EVI5: variants seen among roughly 807,000 people sequenced by gnomAD.
EVI5 encodes ecotropic viral integration site 5 protein homolog.
EVI5 carries 73 observed loss-of-function variants against 112.0 expected under a neutral mutation model. The ratio of observed to expected loss-of-function variants is 0.65; its 90% CI spans 0.54 to 0.79. The LOEUF (loss-of-function observed/expected upper bound fraction) is 0.79. EVI5 is among the 30% of genes least tolerant of loss of function. EVI5 has a pLI of 0.00. For missense variants in EVI5, 900 were observed against 968.8 expected, an observed-to-expected ratio of 0.93 and a Z score of 0.94; for synonymous variants, 305 against 319.9, an observed-to-expected ratio of 0.95 and a Z score of 0.50.
upstream of EVI5, among the ~76,000 whole-genome samples, chr1:92,788,229 G>C (rs1570984955): frequency 6.6e-6 from 1 of 152,228 alleles, no homozygotes; most frequent in East Asian, 1.9e-4. Flanking sequence ...TAGCACTTTG[G>C]GAGGCCAAGG....
At chr1:92,605,791 T>C (rs988549703) in intron 17 of EVI5, among the ~76,000 whole-genome samples, 2 of 152,180 alleles carry the variant, frequency 1.3e-5, no homozygotes, top group African/African-American at 4.8e-5. Context: ...ATTAATATTA[T>C]AAACAATATC....
chr1:92,744,640 A>G (rs1678999522), intron 1 of EVI5, among the ~76,000 whole-genome samples: 1 of 147,290 alleles, frequency 6.8e-6, no homozygotes, highest in Non-Finnish European at 1.5e-5. Flanking sequence ...ACACACACAC[A>G]CACACAGAGG....
At chr1:92,518,623 G>GA (rs1264053962) in intron 19 of EVI5, among the ~76,000 whole-genome samples, 1 of 147,248 alleles carries the variant, frequency 6.8e-6, no homozygotes, top group African/African-American at 2.5e-5. Flanking sequence ...GAGAAGCCGG[G>GA]AAAAAACTCA....
chr1:92,674,893 T>C (rs1666465274), intron 10 of EVI5, among the ~76,000 whole-genome samples: 1 of 152,202 alleles, frequency 6.6e-6, no homozygotes, highest in South Asian at 2.1e-4. Context: ...CAGCACTTTA[T>C]TTACCTGATA....
intron 2 of EVI5, among the ~76,000 whole-genome samples, chr1:92,707,380 G>C (rs764966429): frequency 2.2e-4 from 33 of 149,008 alleles, no homozygotes; most frequent in Admixed American, 1.7e-3. Context: ...CAGAGAGTAA[G>C]AAGAAAAAAA....
chr1:92,784,540 C>A (rs1447138602), intron 1 of EVI5: 3 of 491,036 alleles, frequency 6.1e-6, no homozygotes, highest in African/African-American at 9.0e-5. Context: ...AGGACGTGCC[C>A]CCGAAGCTGC....
At chr1:92,522,431 C>T (rs896075594) in intron 19 of EVI5, among the ~76,000 whole-genome samples, 6 of 151,830 alleles carry the variant, frequency 4.0e-5, no homozygotes, top group Non-Finnish European at 7.4e-5. Flanking sequence ...AGGTCAGGAG[C>T]TTGAGACCAG....
rs199913873 is a variant in EVI5, at chr1:92,513,684, C to T, written c.2453G>A (p.Arg818Lys). ...QVVQKERPPRRRESYSTTV is the reference protein window; with the variant it reads ...QVVQKERPPRKRESYSTTV ...GACAGTGGTTGAATACGACTCTCTT[C>T]TTCTCGGGGGCCGCTCCTTTTGAAC... Residue 818 changes from arginine to lysine, a missense_variant, in exon 20 of 20, where the codon AGA (arginine) becomes AAA (lysine). By Grantham distance (26) the Arg-to-Lys change is conservative (BLOSUM62 2). Coordinates refer to ENST00000684568, the MANE Select transcript of EVI5 (RefSeq NM_001350197.2). 1.9e-6 allele frequency: 3 copies of T among 1,610,606 alleles called. No individual in the cohort carries two copies. The highest frequency in any genetic ancestry group is 2.5e-6 in the Non-Finnish European group (3 of 1,178,278).
chr1:92,637,513 T>A (rs576950810), intron 13 of EVI5, among the ~76,000 whole-genome samples: 2 of 152,184 alleles, frequency 1.3e-5, no homozygotes, highest in African/African-American at 2.4e-5. Flanking sequence ...AACATGAATA[T>A]TGATGCAAAC....
intron 1 of EVI5, among the ~76,000 whole-genome samples, chr1:92,748,215 G>A (rs552544556): frequency 6.6e-6 from 1 of 152,254 alleles, no homozygotes; most frequent in South Asian, 2.1e-4. Flanking sequence ...TTATTACTGA[G>A]CTTAACTCTT....
chr1:92,766,382 T>C (rs1682648132), intron 1 of EVI5, among the ~76,000 whole-genome samples: 1 of 152,048 alleles, frequency 6.6e-6, no homozygotes, highest in African/African-American at 2.4e-5. Flanking sequence ...TGTTTCCTTA[T>C]GTTTCATGCT....
intron 13 of EVI5, chr1:92,647,583 C>A: frequency 1.9e-6 from 1 of 536,916 alleles, no homozygotes. Flanking sequence ...TGCATGTCTG[C>A]ACAAAGAAGG....
At chr1:92,785,338 AT>A (rs1274574799), upstream of EVI5, among the ~76,000 whole-genome samples, 1 of 152,164 alleles carries the variant, frequency 6.6e-6, no homozygotes, top group African/African-American at 2.4e-5. Context: ...CGCCCCTTCC[AT>A]GTTAAAACGG....
rs1659465359 is a variant in EVI5, at chr1:92,639,209, G to T, written c.1393-2873C>A. Among the ~76,000 whole-genome samples the T allele has an allele frequency of 2.0e-5, 3 of 152,122 alleles. No individual in the cohort carries two copies. The South Asian group carries it at 6.2e-4, about 32-fold the overall frequency. The stretch of plus-strand genomic sequence containing the variant: ...TGACAGAAATTCTTTTTAGTAAGCA[G>T]AGTCTGCTTTTCAATCCTATGTGCT... On this transcript the variant is annotated intron_variant, in intron 13 of 19. Transcript: ENST00000684568.
intron 19 of EVI5, among the ~76,000 whole-genome samples, chr1:92,530,555 C>A (rs1322531439): frequency 6.6e-6 from 1 of 152,074 alleles, no homozygotes. Flanking sequence ...TAGCATCTGG[C>A]AGGTGCCCCT....
chr1:92,529,865 TTTTCATAAATAC>T (rs1488256201), intron 19 of EVI5, among the ~76,000 whole-genome samples: 1 of 152,234 alleles, frequency 6.6e-6, no homozygotes, highest in Non-Finnish European at 1.5e-5. Flanking sequence ...AATGGGCATA[TTTTCATAAATAC>T]TTTCATAAAA....
At chr1:92,574,630 C>G (rs1211584633) in intron 18 of EVI5, among the ~76,000 whole-genome samples, 1 of 152,088 alleles carries the variant, frequency 6.6e-6, no homozygotes, top group African/African-American at 2.4e-5. Context: ...AAGTGGATCT[C>G]AAGCATGTTT....
rs1650758517 is a variant in EVI5, at chr1:92,607,728, C to T, written c.1828-1G>A. On this transcript the variant is annotated splice_acceptor_variant, in intron 16 of 19. Coordinates refer to ENST00000684568, the MANE Select transcript of EVI5 (RefSeq NM_001350197.2). LOFTEE classifies it high-confidence loss of function. Reference sequence around the variant, plus strand: ...GAAGATGGTTACTATTGATCTGGTTCTAATAATCAGAAATATAAATACTGA... The same window carrying T: ...GAAGATGGTTACTATTGATCTGGTTTTAATAATCAGAAATATAAATACTGA... 4.4e-6 allele frequency: 7 copies of T among 1,578,736 alleles called. No individual in the cohort carries two copies. The highest frequency in any genetic ancestry group is 5.1e-6 in the Non-Finnish European group (6 of 1,165,390).
intron 1 of EVI5, among the ~76,000 whole-genome samples, chr1:92,773,507 G>A (rs1683721727): frequency 6.6e-6 from 1 of 151,692 alleles, no homozygotes; most frequent in Non-Finnish European, 1.5e-5. Context: ...CAAGTGCGGT[G>A]GCACAAACCC....
Sources: allele counts gnomAD v4.1 joint callset (sites outside exome capture counted in the v4.1 genomes callset), GRCh38; gene constraint gnomAD v4.1.1; transcripts MANE v1.5; gene names NCBI Gene and HGNC (gene_info 2026-07-23, HGNC 2026-07-21).